PLPP1: variants seen among roughly 807,000 people sequenced by gnomAD.
The protein encoded by PLPP1 is lipid phosphate phosphohydrolase 1a.
In PLPP1, 24 loss-of-function variants were observed where a neutral mutation model predicts 31.2. The observed-to-expected ratio is 0.77, with a 90% CI of 0.56 to 1.08. The LOEUF is 1.08. PLPP1 is among the 50% of genes least tolerant of loss of function. The pLI is 0.00. For missense variants in PLPP1, 319 were observed against 342.7 expected (o/e 0.93, Z 0.55); for synonymous variants, 146 against 126.3 (o/e 1.16, Z -1.05).
At chr5:55,487,689 AATT>A (rs1416170046) in intron 1 of PLPP1, among the ~76,000 whole-genome samples, 4 of 152,164 alleles carry the variant, frequency 2.6e-5, no homozygotes, top group African/African-American at 9.7e-5. Flanking sequence ...ATAGAAAATA[AATT>A]ATTTTCTATA....
intron 1 of PLPP1, among the ~76,000 whole-genome samples, chr5:55,496,899 G>A (rs1753013991): frequency 6.6e-6 from 1 of 151,970 alleles, no homozygotes; most frequent in African/African-American, 2.4e-5. Flanking sequence ...TATTCCAATG[G>A]AATAAATCTA....
At chr5:55,530,569 G>A (rs1740627140) in intron 1 of PLPP1, 2 of 1,293,662 alleles carry the variant, frequency 1.5e-6, no homozygotes, top group Middle Eastern at 2.2e-4. Flanking sequence ...TATTCATCCT[G>A]ATACTTCTTA....
At chr5:55,435,340 C>T (rs901470598) in intron 4 of PLPP1, among the ~76,000 whole-genome samples, 7 of 152,212 alleles carry the variant, frequency 4.6e-5, no homozygotes, top group East Asian at 3.9e-4. Context: ...GGGCCTAATC[C>T]GGGGAAGTAT....
At chr5:55,504,688 A>G (rs530044976) in intron 1 of PLPP1, among the ~76,000 whole-genome samples, 12 of 152,264 alleles carry the variant, frequency 7.9e-5, no homozygotes, top group Admixed American at 3.9e-4. Context: ...AAGAAATATA[A>G]TCTAAAATAA....
intron 3 of PLPP1, among the ~76,000 whole-genome samples, chr5:55,443,161 G>A (rs1307637700): frequency 9.7e-6 from 1 of 103,536 alleles, no homozygotes; most frequent in Non-Finnish European, 1.9e-5. Context: ...CAGTGGGTGG[G>A]AAAGAAAGGA....
rs973875211 is a variant in PLPP1, at chr5:55,512,574, A to T, written c.58+21998T>A. On this transcript the variant is annotated intron_variant, in intron 1 of 5. Transcript: ENST00000307259. ...AAAGAAAGAAAGAAAGAAAGAAAGA[A>T]AGGTAACATAAAACTTACTAATGAC... is the stretch of plus-strand genomic sequence containing the variant. 2.8e-4 allele frequency among the ~76,000 whole-genome samples: 42 copies of T among 150,976 alleles called. 1 individual carries two copies. Among genetic ancestry groups the T allele is most frequent in the African/African-American group, 9.0e-4 (37 of 41,062 alleles).
intron 5 of PLPP1, 152 bp from the exon 6 acceptor site, chr5:55,425,486 AT>A (rs918835527): frequency 2.9e-6 from 2 of 679,778 alleles, no homozygotes; most frequent in Non-Finnish European, 4.4e-6. Flanking sequence ...ACTAACTGGG[AT>A]TTTTTAAAGA....
chr5:55,517,265 T>C (rs1753572476), intron 1 of PLPP1, among the ~76,000 whole-genome samples: 1 of 152,218 alleles, frequency 6.6e-6, no homozygotes, highest in Non-Finnish European at 1.5e-5. Flanking sequence ...CACAGCTCAT[T>C]GCAGCCTTGA....
chr5:55,432,269 C>G (rs1751376968), intron 4 of PLPP1, among the ~76,000 whole-genome samples: 1 of 152,018 alleles, frequency 6.6e-6, no homozygotes, highest in South Asian at 2.1e-4. Flanking sequence ...AACTGCTGTG[C>G]ATGAACTGGA....
chr5:55,441,783 C>T (rs1322497563), intron 4 of PLPP1, 68 bp downstream of exon 4: 7 of 1,491,612 alleles, frequency 4.7e-6, no homozygotes, highest in Non-Finnish European at 6.5e-6. Context: ...CAGGTGAGGA[C>T]ACTGATGCTG....
intron 1 of PLPP1, among the ~76,000 whole-genome samples, chr5:55,512,982 G>C (rs573108557): frequency 1.3e-5 from 2 of 152,182 alleles, no homozygotes; most frequent in African/African-American, 4.8e-5. Context: ...AGTTTATTAA[G>C]TCTTTAAAGA....
At chr5:55,527,923 A>C (rs1422784593) in intron 1 of PLPP1, among the ~76,000 whole-genome samples, 1 of 152,200 alleles carries the variant, frequency 6.6e-6, no homozygotes, top group East Asian at 1.9e-4. Flanking sequence ...TGTCCCTCCC[A>C]CTGGGCAAAG....
chr5:55,504,531 A>C (rs1753227248), intron 1 of PLPP1, among the ~76,000 whole-genome samples: 1 of 149,398 alleles, frequency 6.7e-6, no homozygotes, highest in Admixed American at 6.7e-5. Flanking sequence ...TCTCAAAAAA[A>C]AAAAAAAAAA....
intron 4 of PLPP1, among the ~76,000 whole-genome samples, chr5:55,434,176 A>G (rs1034487510): frequency 6.6e-6 from 1 of 151,838 alleles, no homozygotes; most frequent in Non-Finnish European, 1.5e-5. Flanking sequence ...AATAGCTACA[A>G]AAAAAGAAGA....
At chr5:55,533,381 C>CA (rs35146174) in intron 1 of PLPP1, among the ~76,000 whole-genome samples, 9,038 of 113,230 alleles carry the variant, frequency 0.08, 488 homozygotes, top group African/African-American at 0.16. Context: ...AGACTGTATC[C>CA]AAAAAAAAAA....
At chr5:55,487,361 G>A (rs1157766746) in intron 1 of PLPP1, among the ~76,000 whole-genome samples, 2 of 145,398 alleles carry the variant, frequency 1.4e-5, no homozygotes, top group Admixed American at 7.0e-5. Context: ...GGAGAAGGTA[G>A]AACTACACAA....
chr5:55,439,323 A>G (rs1751567799), intron 4 of PLPP1, among the ~76,000 whole-genome samples: 1 of 152,182 alleles, frequency 6.6e-6, no homozygotes, highest in East Asian at 1.9e-4. Flanking sequence ...AACCACGCTC[A>G]AATAAAGCTC....
intron 3 of PLPP1, among the ~76,000 whole-genome samples, chr5:55,443,382 AAAAT>A (rs932229964): frequency 2.6e-5 from 4 of 151,920 alleles, no homozygotes; most frequent in African/African-American, 7.3e-5. Flanking sequence ...TAAAGGAAGA[AAAAT>A]AAATCACTTT....
In PLPP1 at chr5:55,425,094, G is replaced by C; in HGVS notation, c.*112C>G. ...TGTGCATCCAAGAGGCATAGCAGCAGCAGAAGTCTTTAAAGGCTTGTACAC... is the reference window on the plus strand; with the variant it reads ...TGTGCATCCAAGAGGCATAGCAGCACCAGAAGTCTTTAAAGGCTTGTACAC... On this transcript the variant is annotated 3_prime_UTR_variant, in exon 6 of 6. Transcript: ENST00000307259. 7 of 1,361,596 alleles carry C rather than the reference G, an allele frequency of 5.1e-6. No individual in the cohort carries two copies. The highest frequency in any genetic ancestry group is 2.0e-4 in the Middle Eastern group (1 of 5,020). 84.3% of individuals were successfully genotyped at this position (1,361,596 alleles called of 1,614,324 possible). A position where few individuals can be genotyped will look rare whatever the true frequency, so the allele number is the denominator to read the frequency against.
Sources: allele counts gnomAD v4.1 joint callset (sites outside exome capture counted in the v4.1 genomes callset), GRCh38; gene constraint gnomAD v4.1.1; transcripts MANE v1.5; gene names NCBI Gene and HGNC (gene_info 2026-07-23, HGNC 2026-07-21).